Variants in RMDN2 observed in about 807,000 individuals in gnomAD.
The protein encoded by RMDN2 is regulator of microtubule dynamics protein 2.
A neutral mutation model predicts 52.8 loss-of-function variants in RMDN2; 61 were observed. The observed-to-expected ratio is 1.16, with a 90% CI of 0.94 to 1.43. RMDN2 has a LOEUF of 1.43. RMDN2 is among the 40% of genes most tolerant of loss of function. RMDN2 has a pLI of 0.00. For missense variants in RMDN2, 592 were observed against 475.3 expected (o/e 1.25, Z -2.28); for synonymous variants, 180 against 153.1 (o/e 1.18, Z -1.30).
At chr2:37,936,840 G>A (rs1448286252) in intron 2 of RMDN2, among the ~76,000 whole-genome samples, 3 of 152,132 alleles carry the variant, frequency 2.0e-5, no homozygotes, top group Non-Finnish European at 4.4e-5. Flanking sequence ...CCATTCTGTA[G>A]GGTGCCTGTT....
chr2:37,974,306 G>A, intron 3 of RMDN2, 92 bp downstream of exon 3: 2 of 786,642 alleles, frequency 2.5e-6, no homozygotes, highest in Non-Finnish European at 3.7e-6. Context: ...TTGTGTCATG[G>A]TTCCCACATT....
intron 10 of RMDN2, chr2:38,029,730 C>G (rs1349186602): frequency 6.6e-6 from 1 of 150,848 alleles, no homozygotes; most frequent in Non-Finnish European, 1.5e-5. Flanking sequence ...GAGGGTGGGG[C>G]AGGAGGTGGG....
intron 2 of RMDN2, among the ~76,000 whole-genome samples, chr2:37,942,197 C>G (rs1667852423): frequency 6.6e-6 from 1 of 152,066 alleles, no homozygotes. Context: ...AGGCGAAATC[C>G]CACCCGGCTT....
In RMDN2 at chr2:37,943,988, G is replaced by A. The variant is rs553058727; in HGVS notation, c.452+14259G>A. 2.9e-4 allele frequency among the ~76,000 whole-genome samples: 44 copies of A among 152,034 alleles called. No homozygotes were observed. The South Asian group carries it at 6.2e-3, about 22-fold the overall frequency. The stretch of plus-strand genomic sequence containing the variant: ...AGTGTATAAGGTGTCTGCATATTTT[G>A]TGTAACTTCAGAGTTAGATTGAAAT... On this transcript the variant is annotated intron_variant, in intron 2 of 10. Transcript: ENST00000354545.
chr2:38,023,299 C>T (rs188565753), intron 10 of RMDN2, among the ~76,000 whole-genome samples: 225 of 150,744 alleles, frequency 1.5e-3, no homozygotes, highest in Non-Finnish European at 2.2e-3. Context: ...AAGTGAAAGA[C>T]AGTGGAAAGA....
chr2:38,066,626 A>T (rs1682292821), intron 10 of RMDN2, among the ~76,000 whole-genome samples: 1 of 152,200 alleles, frequency 6.6e-6, no homozygotes. Flanking sequence ...AGTTTCTAAC[A>T]ACCACGCCTG....
chr2:37,965,688 G>C (rs1417044278), intron 2 of RMDN2, among the ~76,000 whole-genome samples: 2 of 152,072 alleles, frequency 1.3e-5, no homozygotes, highest in Non-Finnish European at 2.9e-5. Flanking sequence ...ATTTTCCCAT[G>C]TCTTTACCTT....
intron 2 of RMDN2, among the ~76,000 whole-genome samples, chr2:37,937,698 A>C (rs1353682619): frequency 2.0e-5 from 3 of 150,198 alleles, no homozygotes; most frequent in Admixed American, 2.0e-4. Context: ...ACTCTCTATT[A>C]TTGGTTTGTA....
chr2:38,018,886 A>T (rs1007897339), downstream of RMDN2, among the ~76,000 whole-genome samples: 10 of 152,174 alleles, frequency 6.6e-5, no homozygotes, highest in African/African-American at 2.4e-4. Context: ...ACATGCACGC[A>T]CACGCACACA....
intron 8 of RMDN2, among the ~76,000 whole-genome samples, chr2:37,999,574 C>G (rs181410170): frequency 6.6e-6 from 1 of 152,204 alleles, no homozygotes; most frequent in African/African-American, 2.4e-5. Flanking sequence ...ACTAGAACAG[C>G]TGAGAGGACT....
rs185665373 is a variant in RMDN2, at chr2:37,994,786, T to C, written c.946-2630T>C. 1.1e-4 allele frequency among the ~76,000 whole-genome samples: 17 copies of C among 152,302 alleles called. 1 individual carries two copies. In the East Asian group the frequency reaches 3.3e-3, roughly 29 times the overall value. ...TAAATACATTATCAATTCCTAAGTA[T>C]TCACCAAGAGAAATAAAAATATATG... is the stretch of plus-strand genomic sequence containing the variant. On this transcript the variant is annotated intron_variant, in intron 7 of 10. Coordinates refer to ENST00000354545, the MANE Select transcript of RMDN2 (RefSeq NM_001170791.3).
intron 10 of RMDN2, among the ~76,000 whole-genome samples, chr2:38,014,649 G>A (rs966029700): frequency 6.6e-6 from 1 of 152,156 alleles, no homozygotes; most frequent in African/African-American, 2.4e-5. Context: ...AGAGAGCATT[G>A]ATGTAGTTTT....
chr2:37,997,307 TACAC>T (rs372260489), intron 7 of RMDN2, 105 bp from the exon 8 acceptor site: 4 of 720,760 alleles, frequency 5.5e-6, no homozygotes, highest in Non-Finnish European at 1.0e-5. Context: ...GTTATATCTA[TACAC>T]ACACACACGT....
chr2:38,007,464 GTCT>G (rs1252180139), intron 10 of RMDN2, among the ~76,000 whole-genome samples: 8 of 152,122 alleles, frequency 5.3e-5, no homozygotes, highest in African/African-American at 1.4e-4. Context: ...ATTTATCCAT[GTCT>G]TCCAGATTTT....
At chr2:37,926,107 G>A (rs1362830490) in intron 1 of RMDN2, among the ~76,000 whole-genome samples, 1 of 152,100 alleles carries the variant, frequency 6.6e-6, no homozygotes, top group Admixed American at 6.5e-5. Context: ...CTTAAACCTC[G>A]GGCTTTTTTG....
chr2:38,036,807 T>C (rs991363809), intron 10 of RMDN2: 10 of 152,318 alleles, frequency 6.6e-5, no homozygotes, highest in Admixed American at 3.9e-4. Flanking sequence ...GCCAGAGATA[T>C]GCTGTACTGA....
At chr2:38,024,814 T>C (rs1014106075) in intron 10 of RMDN2, among the ~76,000 whole-genome samples, 1 of 152,146 alleles carries the variant, frequency 6.6e-6, no homozygotes, top group African/African-American at 2.4e-5. Context: ...AGACTTGCCT[T>C]TGTACCTTTC....
chr2:37,950,382 A>C (rs11687301), intron 2 of RMDN2: 706,811 of 1,493,806 alleles, frequency 0.47, 173,340 homozygotes, highest in South Asian at 0.54. Flanking sequence ...GGTGAGCTAC[A>C]GAACAGTTCT....
At chr2:38,061,030 C>A (rs1216865651) in intron 10 of RMDN2, among the ~76,000 whole-genome samples, 3 of 152,008 alleles carry the variant, frequency 2.0e-5, no homozygotes, top group Non-Finnish European at 4.4e-5. Flanking sequence ...TCCTTTGGTG[C>A]ACATAAAATT....
Sources: allele counts gnomAD v4.1 joint callset (sites outside exome capture counted in the v4.1 genomes callset), GRCh38; gene constraint gnomAD v4.1.1; transcripts MANE v1.5; gene names NCBI Gene and HGNC (gene_info 2026-07-23, HGNC 2026-07-21).